FAM81B: variants seen among roughly 807,000 people sequenced by gnomAD.
FAM81B encodes protein FAM81B.
FAM81B carries 60 observed loss-of-function variants against 58.7 expected under a neutral mutation model. The observed-to-expected ratio is 1.02, with a 90% CI of 0.83 to 1.27. The LOEUF is 1.27. Ranked by LOEUF, FAM81B falls within the 50% of genes most tolerant of loss-of-function variation. The probability of loss-of-function intolerance (pLI) is 0.00; values close to 1 mark genes in which losing one functional copy is unlikely to be tolerated. For synonymous variants in FAM81B, 189 were observed against 179.6 expected (o/e 1.05, Z -0.42); for missense variants, 491 against 522.0 (o/e 0.94, Z 0.58).
At chr5:95,422,846 G>A (rs753374619) in intron 5 of FAM81B, among the ~76,000 whole-genome samples, 2 of 152,074 alleles carry the variant, frequency 1.3e-5, no homozygotes, top group Non-Finnish European at 2.9e-5. Context: ...ATCAAGATAC[G>A]CAATTCTTTT....
chr5:95,414,431 C>T (rs1762485500), intron 4 of FAM81B, among the ~76,000 whole-genome samples: 1 of 152,154 alleles, frequency 6.6e-6, no homozygotes, highest in African/African-American at 2.4e-5. Flanking sequence ...TATTTTGTGA[C>T]AACAAAGACA....
intron 1 of FAM81B, 116 bp downstream of exon 1, chr5:95,391,629 G>GCAGAT: frequency 8.6e-7 from 1 of 1,158,434 alleles, no homozygotes; most frequent in Non-Finnish European, 1.2e-6. Flanking sequence ...GAAGGCTTGG[G>GCAGAT]CACAACAGAG....
chr5:95,442,732 A>G (rs1161388482), intron 7 of FAM81B, among the ~76,000 whole-genome samples: 2 of 152,226 alleles, frequency 1.3e-5, no homozygotes, highest in African/African-American at 4.8e-5. Context: ...TAGTGTCACT[A>G]ATTAGAAATC....
intron 7 of FAM81B, among the ~76,000 whole-genome samples, chr5:95,437,335 CATTATTTT>C (rs1251885496): frequency 6.6e-6 from 1 of 151,888 alleles, no homozygotes; most frequent in Admixed American, 6.6e-5. Flanking sequence ...TTTACATTAT[CATTATTTT>C]ATTATTATTA....
chr5:95,446,522 ATTAAC>A, intron 7 of FAM81B, 35 bp from the exon 8 acceptor site: 1 of 1,495,990 alleles, frequency 6.7e-7, no homozygotes, highest in Non-Finnish European at 8.9e-7. Flanking sequence ...TTATGTTTAA[ATTAAC>A]TTATTTAAAT....
rs541890965 is a variant in FAM81B at position 95,425,201 on chromosome 5, A to T, written c.657-3402A>T. 3.9e-5 allele frequency among the ~76,000 whole-genome samples: 6 copies of T among 152,150 alleles called. No homozygotes were observed. The South Asian group carries it at 1.2e-3, about 32-fold the overall frequency. ...AAAAAAAAAAAATCATGCCTATAAG[A>T]GAAGAAAGTGTTCTTGAAATACAGA... is the stretch of plus-strand genomic sequence containing the variant. On this transcript the variant is annotated intron_variant, in intron 5 of 9. Transcript: ENST00000283357.
intron 8 of FAM81B, among the ~76,000 whole-genome samples, chr5:95,446,975 C>T (rs1434575783): frequency 1.3e-5 from 2 of 151,170 alleles, no homozygotes; most frequent in Non-Finnish European, 2.9e-5. Flanking sequence ...TAGATTGCCA[C>T]CCCAGACCCA....
chr5:95,397,839 T>C (rs1762003381), intron 3 of FAM81B, among the ~76,000 whole-genome samples: 1 of 152,230 alleles, frequency 6.6e-6, no homozygotes, highest in South Asian at 2.1e-4. Flanking sequence ...TCTTCGCATC[T>C]CTCAGAACAG....
At chr5:95,392,951 T>A in intron 2 of FAM81B, 54 bp downstream of exon 2, 1 of 1,464,324 alleles carries the variant, frequency 6.8e-7, no homozygotes, top group Non-Finnish European at 9.3e-7. Context: ...TCAGCTTCTT[T>A]AAAGTTTAGA....
intron 6 of FAM81B, among the ~76,000 whole-genome samples, chr5:95,430,550 T>C (rs560865629): frequency 1.3e-5 from 2 of 152,152 alleles, no homozygotes; most frequent in South Asian, 4.1e-4. Flanking sequence ...AATAGTTCAG[T>C]TAACTGCTCT....
chr5:95,419,746 T>C (rs1037452624), intron 4 of FAM81B, among the ~76,000 whole-genome samples: 2 of 152,240 alleles, frequency 1.3e-5, no homozygotes, highest in African/African-American at 4.8e-5. Flanking sequence ...TCATTGTGTA[T>C]GAATCAGGTT....
At chr5:95,426,092 G>GTATATA (rs201172690) in intron 5 of FAM81B, among the ~76,000 whole-genome samples, 1,076 of 84,754 alleles carry the variant, frequency 0.013, 10 homozygotes, top group Admixed American at 0.015. Flanking sequence ...CTATCTCTGT[G>GTATATA]TGTATATATA....
intron 1 of FAM81B, 57 bp from the exon 2 acceptor site, chr5:95,392,737 A>G (rs1237814012): frequency 8.4e-6 from 12 of 1,434,944 alleles, no homozygotes; most frequent in Non-Finnish European, 7.7e-6. Flanking sequence ...AATTAGCAGC[A>G]CTGCAAAAAT....
intron 6 of FAM81B, among the ~76,000 whole-genome samples, chr5:95,430,436 TA>T (rs139495883): frequency 0.08 from 11,593 of 145,560 alleles, 509 homozygotes; most frequent in South Asian, 0.15. Flanking sequence ...GCTATGCTTT[TA>T]AAAAAAAAAA....
At chr5:95,409,557 A>G (rs900494487) in intron 3 of FAM81B, among the ~76,000 whole-genome samples, 1 of 151,890 alleles carries the variant, frequency 6.6e-6, no homozygotes, top group Non-Finnish European at 1.5e-5. Flanking sequence ...AGTTTTATAA[A>G]GATGAAATTA....
At chr5:95,445,010 G>C (rs921821821) in intron 7 of FAM81B, among the ~76,000 whole-genome samples, 1 of 152,128 alleles carries the variant, frequency 6.6e-6, no homozygotes, top group Non-Finnish European at 1.5e-5. Flanking sequence ...TCCCCCAGGG[G>C]CAAGCAGGTG....
intron 6 of FAM81B, among the ~76,000 whole-genome samples, chr5:95,430,524 C>T (rs530349606): frequency 6.6e-6 from 1 of 151,368 alleles, no homozygotes; most frequent in East Asian, 1.9e-4. Flanking sequence ...CAACTGCATA[C>T]CCTTCCTTTG....
intron 3 of FAM81B, among the ~76,000 whole-genome samples, chr5:95,405,511 G>A (rs985370625): frequency 1.3e-5 from 2 of 151,718 alleles, no homozygotes; most frequent in Non-Finnish European, 2.9e-5. Flanking sequence ...AATATCTTCT[G>A]TTGTCTTCTC....
At chr5:95,427,802 C>A (rs1762888368) in intron 5 of FAM81B, among the ~76,000 whole-genome samples, 2 of 152,252 alleles carry the variant, frequency 1.3e-5, no homozygotes, top group South Asian at 2.1e-4. Context: ...TGAAAGTATA[C>A]AGAAACTGAC....
Sources: gnomAD v4.1 joint callset for allele counts (sites outside exome capture counted in the v4.1 genomes callset) on GRCh38, gnomAD v4.1.1 for gene constraint, MANE v1.5 for transcripts, NCBI Gene and HGNC (gene_info 2026-07-23, HGNC 2026-07-21) for gene names.